IRGM: variants seen among roughly 807,000 people sequenced by gnomAD.
IRGM encodes the protein immunity-related GTPase family M protein.
For missense variants in IRGM, 288 were observed against 219.9 expected, an observed-to-expected ratio of 1.31 and a Z score of -1.96; for synonymous variants, 98 against 80.6, an observed-to-expected ratio of 1.22 and a Z score of -1.16.
At position 150,848,396 on chromosome 5, in the gene IRGM, G is replaced by C; in HGVS notation, c.273G>C (p.Leu91=). 6.4e-7 allele frequency: 1 copy of C among 1,551,836 alleles called. No individual in the cohort carries two copies. Among genetic ancestry groups the C allele is most frequent in the Non-Finnish European group, 8.7e-7 (1 of 1,146,976 alleles). The change falls in exon 2 of 2, where the codon CTG becomes CTC. Residue 91 remains leucine (L), a synonymous_variant. Transcript: ENST00000522154. ...TTTCAAATGTGGTGTTGTGGGACCT[G>C]CCTGGCACAGGGTCTGCCACCACAA... ...SHFSNVVLWD[L]PGTGSATTTL...
At chr5:150,865,150 C>T (rs1047480294) in intron 1 of IRGM, among the ~76,000 whole-genome samples, 1 of 152,056 alleles carries the variant, frequency 6.6e-6, no homozygotes, top group African/African-American at 2.4e-5. Context: ...TTACTTCTGA[C>T]CAGTAAGCGT....
chr5:150,862,932 A>G (rs866880165), intron 1 of IRGM, among the ~76,000 whole-genome samples: 30 of 152,286 alleles, frequency 2.0e-4, no homozygotes, highest in African/African-American at 7.2e-4. Flanking sequence ...CAGGGAGGAG[A>G]AGAAGGCTAA....
intron 1 of IRGM, among the ~76,000 whole-genome samples, chr5:150,866,732 T>C (rs1754213902): frequency 6.6e-6 from 1 of 152,248 alleles, no homozygotes; most frequent in South Asian, 2.1e-4. Flanking sequence ...ACTGATAATA[T>C]GAATAACCTT....
chr5:150,855,647 T>C (rs1029836699), intron 1 of IRGM, among the ~76,000 whole-genome samples: 2 of 152,204 alleles, frequency 1.3e-5, no homozygotes, highest in Non-Finnish European at 2.9e-5. Flanking sequence ...CCTTCATCTT[T>C]TCACCACCTG....
At chr5:150,858,412 C>CT (rs1345631886) in intron 1 of IRGM, among the ~76,000 whole-genome samples, 1 of 152,084 alleles carries the variant, frequency 6.6e-6, no homozygotes, top group Non-Finnish European at 1.5e-5. Context: ...GATGTGGGCT[C>CT]TTTTTTGGTT....
chr5:150,858,575 A>G (rs1398339265), intron 1 of IRGM, among the ~76,000 whole-genome samples: 1 of 152,116 alleles, frequency 6.6e-6, no homozygotes, highest in African/African-American at 2.4e-5. Flanking sequence ...ATGTTCTTCC[A>G]TTTGTTTGTA....
chr5:150,857,010 C>G (rs1442374804), intron 1 of IRGM, among the ~76,000 whole-genome samples: 1 of 151,256 alleles, frequency 6.6e-6, no homozygotes, highest in African/African-American at 2.4e-5. Flanking sequence ...ATACATGTGC[C>G]ATGTTGGTGT....
At chr5:150,898,300 C>T (rs1056216989) in intron 3 of IRGM, 18 of 1,587,980 alleles carry the variant, frequency 1.1e-5, no homozygotes, top group East Asian at 4.5e-5. Context: ...AAAGGCATAA[C>T]CTCCATTTGC....
intron 3 of IRGM, chr5:150,894,875 G>A (rs1313488842): frequency 6.6e-6 from 1 of 152,274 alleles, no homozygotes; most frequent in Non-Finnish European, 1.5e-5. Flanking sequence ...CAGAGATGCA[G>A]GTCAACTTAT....
chr5:150,867,301 G>T (rs1263000126), intron 1 of IRGM, among the ~76,000 whole-genome samples: 1 of 152,126 alleles, frequency 6.6e-6, no homozygotes. Flanking sequence ...ACTCCATCCA[G>T]GTTGTGGCAA....
intron 1 of IRGM, among the ~76,000 whole-genome samples, chr5:150,856,725 C>T (rs912468618): frequency 6.6e-6 from 1 of 151,514 alleles, no homozygotes; most frequent in African/African-American, 2.4e-5. Flanking sequence ...CTGCCTCGGC[C>T]TCCCAAAGTG....
At chr5:150,900,673 A>C (rs1166771510) in exon 4 of IRGM, 2 of 152,094 alleles carry the variant, frequency 1.3e-5, no homozygotes, top group Admixed American at 6.6e-5. Flanking sequence ...GGTACTTAAG[A>C]AACGTTTGTT....
chr5:150,847,734 CAG>C lies in IRGM; in HGVS notation c.-387_-386del, dbSNP rs72553871. 606 of 195,624 alleles carry C rather than the reference CAG, an allele frequency of 3.1e-3. 3 individuals carry two copies. The highest frequency in any genetic ancestry group is 0.013 in the African/African-American group (578 of 42,824). 12.1% of individuals were successfully genotyped at this position (195,624 alleles called of 1,614,324 possible). A position where few individuals can be genotyped will look rare whatever the true frequency, so the allele number is the denominator to read the frequency against. On this transcript the variant is annotated 5_prime_UTR_variant, in exon 2 of 2. It introduces an in-frame stop codon into an upstream open reading frame of the 5' UTR. Coordinates refer to ENST00000522154, the MANE Select transcript of IRGM (RefSeq NM_001145805.2). ...CTTACTCCAGTGCCCACAGATACGA[CAG>C]AGTGTCCCAAGTGCCCCTCACACTC...
chr5:150,883,198 A>C (rs1247702266), intron 3 of IRGM, among the ~76,000 whole-genome samples: 1 of 152,108 alleles, frequency 6.6e-6, no homozygotes, highest in East Asian at 1.9e-4. Flanking sequence ...TCAAAATATA[A>C]GAAATGCAGG....
chr5:150,865,994 T>A (rs2113271111), intron 1 of IRGM, among the ~76,000 whole-genome samples: 1 of 152,326 alleles, frequency 6.6e-6, no homozygotes, highest in Non-Finnish European at 1.5e-5. Context: ...TGACCTCAAG[T>A]GATCCACCCG....
At chr5:150,852,185 G>A (rs765516923), downstream of IRGM, among the ~76,000 whole-genome samples, 4 of 152,118 alleles carry the variant, frequency 2.6e-5, no homozygotes, top group Admixed American at 1.3e-4. Flanking sequence ...TTTGACCTCC[G>A]TGGTAGCGTA....
chr5:150,898,457 A>G, intron 3 of IRGM: 1 of 1,613,480 alleles, frequency 6.2e-7, no homozygotes, highest in Non-Finnish European at 8.5e-7. Context: ...GTAGTTCTCC[A>G]GCATCACATC....
chr5:150,852,831 CTCATT>C (rs1352078685), downstream of IRGM, among the ~76,000 whole-genome samples: 1 of 152,028 alleles, frequency 6.6e-6, no homozygotes, highest in Non-Finnish European at 1.5e-5. Flanking sequence ...ATAATAATAT[CTCATT>C]TCCTGGAGAA....
At position 150,847,024 on chromosome 5, in the gene IRGM, A is replaced by G. The variant is rs10058943; in HGVS notation, c.-612A>G. On this transcript the variant is annotated 5_prime_UTR_variant, in exon 1 of 2. An upstream start codon of the reference 5' UTR is lost. Coordinates refer to ENST00000522154, the MANE Select transcript of IRGM (RefSeq NM_001145805.2). ...GCAAGAGCCAGGTTTGGCGAATGCA[A>G]TGATAAGCAATTGTCTAATCACTGC... is the stretch of plus-strand genomic sequence containing the variant. 0.21 allele frequency: 31,537 copies of G among 152,318 alleles called. 5,253 individuals carry two copies. The highest frequency in any genetic ancestry group is 0.44 in the African/African-American group (18,342 of 41,454). 9.4% of individuals were successfully genotyped at this position (152,318 alleles called of 1,614,324 possible). A position where few individuals can be genotyped will look rare whatever the true frequency, so the allele number is the denominator to read the frequency against.
Sources: allele counts gnomAD v4.1 joint callset (sites outside exome capture counted in the v4.1 genomes callset), GRCh38; gene constraint gnomAD v4.1.1; transcripts MANE v1.5; gene names NCBI Gene and HGNC (gene_info 2026-07-23, HGNC 2026-07-21).